Variants in BTRC observed in about 807,000 individuals in gnomAD.
The protein encoded by BTRC is beta-transducin repeat containing E3 ubiquitin protein ligase.
In BTRC, 42 loss-of-function variants were observed where a neutral mutation model predicts 85.5. The observed-to-expected ratio is 0.49, with a 90% CI of 0.38 to 0.64. The LOEUF (loss-of-function observed/expected upper bound fraction) is 0.64, where lower values mean the gene tolerates loss of function less well. Ranked by LOEUF, BTRC falls within the 30% of genes least tolerant of loss-of-function variation. The pLI is 0.00. For synonymous variants in BTRC, 255 were observed against 263.3 expected (o/e 0.97, Z 0.30); for missense variants, 594 against 743.5 (o/e 0.80, Z 2.34).
intron 1 of BTRC, among the ~76,000 whole-genome samples, chr10:101,385,516 C>T (rs1943046387): frequency 6.7e-6 from 1 of 150,128 alleles, no homozygotes; most frequent in Admixed American, 6.6e-5. Flanking sequence ...ACTAAATTTG[C>T]ATGGAGTCAT....
intron 4 of BTRC, among the ~76,000 whole-genome samples, chr10:101,518,255 A>G (rs1193854362): frequency 2.0e-5 from 3 of 152,146 alleles, no homozygotes; most frequent in Admixed American, 2.0e-4. Flanking sequence ...TGTCCCATAT[A>G]GTTTTAAAGG....
intron 1 of BTRC, among the ~76,000 whole-genome samples, chr10:101,356,485 T>A (rs962074191): frequency 6.6e-6 from 1 of 152,248 alleles, no homozygotes; most frequent in African/African-American, 2.4e-5. Context: ...ATGGCCTCCC[T>A]GGTTGAGTTA....
chr10:101,552,053 TC>T (rs879500732), intron 14 of BTRC, among the ~76,000 whole-genome samples: 1 of 152,146 alleles, frequency 6.6e-6, no homozygotes, highest in Non-Finnish European at 1.5e-5. Context: ...TCCTTAGACT[TC>T]CGTGTTACTT....
At chr10:101,551,097 T>A in intron 14 of BTRC, 1 of 443,822 alleles carries the variant, frequency 2.3e-6, no homozygotes, top group East Asian at 3.3e-5. Context: ...TTCTAGATGA[T>A]TCTAGGGTCC....
At chr10:101,515,027 C>G (rs1284047532) in intron 4 of BTRC, among the ~76,000 whole-genome samples, 6 of 152,056 alleles carry the variant, frequency 3.9e-5, no homozygotes, top group African/African-American at 1.4e-4. Context: ...ACGATCTCGG[C>G]TCACTGCAGC....
intron 1 of BTRC, among the ~76,000 whole-genome samples, chr10:101,366,660 A>G (rs1357140615): frequency 6.7e-6 from 1 of 148,484 alleles, no homozygotes; most frequent in Admixed American, 7.1e-5. Context: ...GGAGATCAGA[A>G]GTTGGGCAGG....
chr10:101,509,456 G>A (rs1946636692), intron 4 of BTRC, among the ~76,000 whole-genome samples: 1 of 147,924 alleles, frequency 6.8e-6, no homozygotes, highest in Non-Finnish European at 1.5e-5. Context: ...GGGTTTCACC[G>A]TTTTAGCCGG....
intron 4 of BTRC, among the ~76,000 whole-genome samples, chr10:101,480,668 C>T (rs1367022023): frequency 1.3e-5 from 2 of 152,106 alleles, no homozygotes; most frequent in East Asian, 1.9e-4. Context: ...TTCCTTAAAA[C>T]ATGCAGTAGT....
Position 101,535,387 on chromosome 10 carries a change from A to T in BTRC, c.1381A>T (p.Thr461Ser). The T allele has an allele frequency of 1.2e-6, 2 of 1,614,000 alleles. No individual in the cohort carries two copies. The highest frequency in any genetic ancestry group is 1.7e-6 in the Non-Finnish European group (2 of 1,179,976). ...WNTSTCEFVR[T>S]LNGHKRGIAC... ...CACAAGTACTTGTGAATTTGTAAGG[A>T]CCTTAAATGGACACAAACGAGGCAT... is the stretch of plus-strand genomic sequence containing the variant. The change falls in exon 11 of 15, where the codon ACC (threonine) becomes TCC (serine). Residue 461 changes from threonine to serine, a missense_variant. Coordinates refer to ENST00000370187, the MANE Select transcript of BTRC (RefSeq NM_033637.4).
chr10:101,524,645 A>G (rs529203841), intron 5 of BTRC, among the ~76,000 whole-genome samples: 3 of 152,304 alleles, frequency 2.0e-5, no homozygotes, highest in Non-Finnish European at 2.9e-5. Context: ...GAACAATTTG[A>G]TGGCACCCAT....
intron 1 of BTRC, among the ~76,000 whole-genome samples, chr10:101,356,988 G>A (rs1157493181): frequency 2.0e-5 from 3 of 151,768 alleles, no homozygotes; most frequent in African/African-American, 4.8e-5. Flanking sequence ...AATTAGGCGG[G>A]TGTGGCAGCG....
chr10:101,501,943 C>T (rs1266098282), intron 4 of BTRC, among the ~76,000 whole-genome samples: 1 of 152,122 alleles, frequency 6.6e-6, no homozygotes, highest in Non-Finnish European at 1.5e-5. Context: ...ACAAACAAAC[C>T]ATTTTTAGTG....
At chr10:101,483,860 T>C (rs192027786) in intron 4 of BTRC, among the ~76,000 whole-genome samples, 1 of 152,344 alleles carries the variant, frequency 6.6e-6, no homozygotes, top group African/African-American at 2.4e-5. Flanking sequence ...ATGATTTTTT[T>C]TAATTGGTAA....
At position 101,518,223 on chromosome 10, in the gene BTRC, T is replaced by C. The variant is rs192548015; in HGVS notation, c.325-3416T>C. Among the ~76,000 whole-genome samples the C allele has an allele frequency of 2.1e-3, 320 of 152,326 alleles. 1 individual carries two copies. The highest frequency in any genetic ancestry group is 7.4e-3 in the African/African-American group (309 of 41,582). On this transcript the variant is annotated intron_variant, in intron 4 of 14. Coordinates refer to ENST00000370187, the MANE Select transcript of BTRC (RefSeq NM_033637.4). ...CACCGCGCCCGGCCGAAGTAGTGTC[T>C]TAATTGGCCTCCTTCTATTTATGTC... is the stretch of plus-strand genomic sequence containing the variant.
intron 2 of BTRC, among the ~76,000 whole-genome samples, chr10:101,459,185 C>T (rs1945157384): frequency 6.6e-6 from 1 of 152,116 alleles, no homozygotes; most frequent in South Asian, 2.1e-4. Flanking sequence ...ATAATTTAGC[C>T]TGATGATCTA....
intron 1 of BTRC, among the ~76,000 whole-genome samples, chr10:101,404,219 A>G (rs1272549755): frequency 1.3e-5 from 2 of 150,314 alleles, no homozygotes; most frequent in African/African-American, 2.5e-5. Flanking sequence ...TTTGGTAGAG[A>G]CGGGGTTTCA....
At chr10:101,399,841 A>T (rs1035992107) in intron 1 of BTRC, among the ~76,000 whole-genome samples, 3 of 152,154 alleles carry the variant, frequency 2.0e-5, no homozygotes, top group Non-Finnish European at 4.4e-5. Flanking sequence ...GAAGAAAAAA[A>T]AATTAGGTAT....
chr10:101,421,553 G>A (rs1944100272), intron 1 of BTRC, among the ~76,000 whole-genome samples: 1 of 151,306 alleles, frequency 6.6e-6, no homozygotes, highest in East Asian at 1.9e-4. Context: ...TGCCATGTTG[G>A]TGTGCTGCAC....
At chr10:101,401,723 G>C (rs985871810) in intron 1 of BTRC, among the ~76,000 whole-genome samples, 22 of 151,626 alleles carry the variant, frequency 1.5e-4, no homozygotes, top group Non-Finnish European at 3.2e-4. Flanking sequence ...GTGTAATCCT[G>C]GCACTTTCTG....
Sources: allele counts gnomAD v4.1 joint callset (sites outside exome capture counted in the v4.1 genomes callset), GRCh38; gene constraint gnomAD v4.1.1; transcripts MANE v1.5; gene names NCBI Gene and HGNC (gene_info 2026-07-23, HGNC 2026-07-21).